Variants in RYR3 observed in about 807,000 individuals in gnomAD.
RYR3 encodes the protein brain ryanodine receptor-calcium release channel.
Under a neutral mutation model 584.3 loss-of-function variants are expected in RYR3, and 207 were observed. The observed-to-expected ratio is 0.35, with a 90% CI of 0.32 to 0.40. The LOEUF (loss-of-function observed/expected upper bound fraction) is 0.40, where lower values mean the gene tolerates loss of function less well. Ranked by LOEUF, RYR3 falls within the 10% of genes least tolerant of loss-of-function variation. RYR3 has a pLI of 1.00. For synonymous variants in RYR3, 2,416 were observed against 2,248.5 expected (o/e 1.07, Z -2.11); for missense variants, 5,616 against 6,089.2 (o/e 0.92, Z 2.59).
chr15:33,486,106 G>A (rs1363553927), intron 2 of RYR3, among the ~76,000 whole-genome samples: 8 of 152,266 alleles, frequency 5.3e-5, no homozygotes, highest in Non-Finnish European at 5.9e-5. Context: ...GAAGATCGTT[G>A]ATAAAGAGGA....
At position 33,864,170 on chromosome 15, in the gene RYR3, A is replaced by G; in HGVS notation, c.14498A>G (p.Glu4833Gly). 6.2e-7 allele frequency: 1 copy of G among 1,612,240 alleles called. No homozygotes were observed. Among genetic ancestry groups the G allele is most frequent in the Non-Finnish European group, 8.5e-7 (1 of 1,178,908 alleles). ...FFLMYLINKD[E>G]TEHTGQESYV... ...CTGATGTATTTGATTAATAAAGATG[A>G]AACAGAGCACACGGGTCAGGTGAGA... The change falls in exon 103 of 104, where the codon GAA becomes GGA. Residue 4833 changes from glutamate to glycine, a missense_variant. Around this residue, in one of 9 missense-constraint regions of RYR3, gnomAD observed 918 missense variants for 887.4 expected, o/e 1.03. Coordinates refer to ENST00000634891, the MANE Select transcript of RYR3 (RefSeq NM_001036.6).
chr15:33,613,367 A>T lies in RYR3; in HGVS notation c.2349A>T (p.Ala783=). 6.3e-7 allele frequency: 1 copy of T among 1,599,974 alleles called. No individual in the cohort carries two copies. Among genetic ancestry groups the T allele is most frequent in the African/African-American group, 1.3e-5 (1 of 74,804 alleles). Reference sequence around the variant, plus strand: ...TCTTCCCTGTGATGAGCTTTTCAGCAGGTGTCAAGTAAGTTATGGCTGTGA... The same window carrying T: ...TCTTCCCTGTGATGAGCTTTTCAGCTGGTGTCAAGTAAGTTATGGCTGTGA... The part of the protein sequence containing the change: ...GLFFPVMSFS[A]GVKVRFLMGG... Residue 783 remains alanine, a synonymous_variant, in exon 19 of 104, where the codon GCA becomes GCT. Transcript: ENST00000634891.
intron 88 of RYR3, 122 bp from the exon 89 acceptor site, chr15:33,837,509 C>A: frequency 2.8e-6 from 3 of 1,063,580 alleles, no homozygotes; most frequent in Non-Finnish European, 2.6e-6. Context: ...CCTACATCAT[C>A]ACGGTCAGAG....
At chr15:33,845,518 T>C (rs1316473933) in intron 93 of RYR3, among the ~76,000 whole-genome samples, 1 of 152,206 alleles carries the variant, frequency 6.6e-6, no homozygotes, top group Non-Finnish European at 1.5e-5. Flanking sequence ...CCTCCCACAG[T>C]GCTGGGATTA....
chr15:33,768,775 T>A, intron 61 of RYR3, 68 bp downstream of exon 61: 6 of 1,496,532 alleles, frequency 4.0e-6, no homozygotes, highest in Non-Finnish European at 4.7e-6. Context: ...TTTGCCTTTA[T>A]TTGTGTCTTC....
intron 2 of RYR3, among the ~76,000 whole-genome samples, chr15:33,479,426 TTA>T (rs150507805): frequency 0.45 from 65,806 of 147,546 alleles, 15,311 homozygotes; most frequent in Non-Finnish European, 0.52. Context: ...TTATAAAACT[TTA>T]AAAAAAAAAA....
intron 69 of RYR3, among the ~76,000 whole-genome samples, chr15:33,802,650 T>A (rs576623766): frequency 6.6e-6 from 1 of 152,318 alleles, no homozygotes; most frequent in South Asian, 2.1e-4. Context: ...TTATTTTGAT[T>A]TAAGAGACTT....
chr15:33,541,161 A>G (rs1324865169), intron 7 of RYR3, among the ~76,000 whole-genome samples: 1 of 151,896 alleles, frequency 6.6e-6, no homozygotes, highest in African/African-American at 2.4e-5. Context: ...TTGGATATGC[A>G]CCTTTGCTCT....
chr15:33,368,571 G>A (rs1212740022), intron 1 of RYR3, among the ~76,000 whole-genome samples: 3 of 152,036 alleles, frequency 2.0e-5, no homozygotes, highest in Non-Finnish European at 1.5e-5. Flanking sequence ...ATGGATGGAT[G>A]AGCCTCCTGG....
intron 67 of RYR3, among the ~76,000 whole-genome samples, chr15:33,796,682 A>G (rs2075647073): frequency 6.6e-6 from 1 of 152,208 alleles, no homozygotes; most frequent in Non-Finnish European, 1.5e-5. Context: ...CTCCCTGGAA[A>G]ACAGTATGGA....
chr15:33,748,413 T>A, intron 54 of RYR3, 55 bp from the exon 55 acceptor site: 2 of 1,576,864 alleles, frequency 1.3e-6, no homozygotes, highest in Admixed American at 1.7e-5. Flanking sequence ...TGGGGATGCC[T>A]GATAAGAACA....
chr15:33,824,939 G>A (rs1326132862), intron 81 of RYR3, among the ~76,000 whole-genome samples: 1 of 152,152 alleles, frequency 6.6e-6, no homozygotes, highest in Non-Finnish European at 1.5e-5. Context: ...TGGCTTCCTG[G>A]CTGAGTAAAA....
intron 65 of RYR3, among the ~76,000 whole-genome samples, chr15:33,784,862 T>G (rs557354706): frequency 1.3e-5 from 2 of 152,310 alleles, no homozygotes; most frequent in Non-Finnish European, 2.9e-5. Context: ...GATTTTTCTG[T>G]TTACAGTTCT....
chr15:33,611,516 A>G (rs1009712330), intron 18 of RYR3, among the ~76,000 whole-genome samples: 2 of 151,778 alleles, frequency 1.3e-5, no homozygotes, highest in African/African-American at 4.8e-5. Context: ...AGATTGTGCC[A>G]CTGCACTCCA....
At chr15:33,576,715 G>C (rs115776353) in intron 12 of RYR3, among the ~76,000 whole-genome samples, 8,534 of 152,202 alleles carry the variant, frequency 0.056, 361 homozygotes, top group African/African-American at 0.12. Context: ...ACAAGACAAG[G>C]ATGTCCTTTC....
rs375755420 is a variant in RYR3, at chr15:33,818,596, G to C, written c.10618G>C (p.Glu3540Gln). 11 of 1,601,672 alleles carry C rather than the reference G, an allele frequency of 6.9e-6. No individual in the cohort carries two copies. The highest frequency in any genetic ancestry group is 1.7e-5 in the Admixed American group (1 of 59,848). The change falls in exon 76 of 104, where the codon GAG (glutamate) becomes CAG (glutamine). Residue 3540 changes from glutamate to glutamine, a missense_variant. This residue lies in a region of RYR3 where 954 missense variants were observed against 1,132.2 expected (regional missense o/e 0.84). Transcript: ENST00000634891. ...TGTGTAGAAATCTCCAAAGGTGGAA[G>C]AGGAGGAGGAGGAAGAGACAGAAAA... ...QDLAKSPKVEEEEEEETEKQP... is the reference protein window; with the variant it reads ...QDLAKSPKVEQEEEEETEKQP...
intron 43 of RYR3, among the ~76,000 whole-genome samples, chr15:33,719,652 G>A (rs1168693587): frequency 6.6e-6 from 1 of 152,198 alleles, no homozygotes; most frequent in South Asian, 2.1e-4. Flanking sequence ...AAAACCATTC[G>A]AAAGTAGTGA....
chr15:33,423,537 C>T (rs958370230), intron 1 of RYR3, among the ~76,000 whole-genome samples: 1 of 152,200 alleles, frequency 6.6e-6, no homozygotes, highest in African/African-American at 2.4e-5. Context: ...GGTAATTCTA[C>T]ATTTAACTTT....
chr15:33,819,642 C>G, intron 76 of RYR3, 114 bp from the exon 77 acceptor site: 1 of 635,232 alleles, frequency 1.6e-6, no homozygotes, highest in Non-Finnish European at 2.2e-6. Flanking sequence ...TCATTGCACT[C>G]CAGCCTAGGG....
Sources: allele counts gnomAD v4.1 joint callset (sites outside exome capture counted in the v4.1 genomes callset), GRCh38; gene constraint gnomAD v4.1.1; regional missense constraint gnomAD v4.1.1; transcripts MANE v1.5; gene names NCBI Gene and HGNC (gene_info 2026-07-23, HGNC 2026-07-21).